CNTN5: variants seen among roughly 807,000 people sequenced by gnomAD.
The protein encoded by CNTN5 is contactin-5.
Under a neutral mutation model 129.1 loss-of-function variants are expected in CNTN5, and 77 were observed. The observed-to-expected ratio is 0.60, with a 90% CI of 0.50 to 0.72. The LOEUF (loss-of-function observed/expected upper bound fraction) is 0.72, where lower values mean the gene tolerates loss of function less well. CNTN5 is among the 30% of genes least tolerant of loss of function. The pLI is 0.00. For synonymous variants in CNTN5, 509 were observed against 465.6 expected, an observed-to-expected ratio of 1.09 and a Z score of -1.20; for missense variants, 1,478 against 1,328.8, an observed-to-expected ratio of 1.11 and a Z score of -1.75.
At chr11:99,916,835 G>A (rs1591415807) in intron 7 of CNTN5, among the ~76,000 whole-genome samples, 2 of 152,106 alleles carry the variant, frequency 1.3e-5, no homozygotes, top group African/African-American at 4.8e-5. Context: ...TAAGTTAAGA[G>A]TGACCAGCAT....
intron 1 of CNTN5, among the ~76,000 whole-genome samples, chr11:99,105,508 T>C (rs1400249649): frequency 6.6e-6 from 1 of 152,148 alleles, no homozygotes; most frequent in Non-Finnish European, 1.5e-5. Flanking sequence ...AGCATCATAT[T>C]CCTACAACAT....
intron 7 of CNTN5, among the ~76,000 whole-genome samples, chr11:99,940,221 C>G (rs1250711559): frequency 1.3e-5 from 2 of 152,080 alleles, no homozygotes; most frequent in Non-Finnish European, 2.9e-5. Context: ...ATTGAGAAAA[C>G]TTGATCTAGA....
At chr11:100,049,405 C>T (rs1223876323) in intron 9 of CNTN5, among the ~76,000 whole-genome samples, 1 of 151,316 alleles carries the variant, frequency 6.6e-6, no homozygotes, top group Non-Finnish European at 1.5e-5. Context: ...TAGTATAAGA[C>T]TAAAATGAAA....
intron 13 of CNTN5, among the ~76,000 whole-genome samples, chr11:100,121,321 A>G (rs1946014703): frequency 1.3e-5 from 2 of 152,116 alleles, no homozygotes; most frequent in African/African-American, 2.4e-5. Context: ...TTTTGTGACA[A>G]AAGTCTGCCT....
intron 9 of CNTN5, among the ~76,000 whole-genome samples, chr11:100,035,843 G>C (rs1941964986): frequency 6.6e-6 from 1 of 152,094 alleles, no homozygotes; most frequent in South Asian, 2.1e-4. Context: ...ATTTGTTTGA[G>C]TTCATTGTAG....
chr11:99,197,277 T>A (rs762499554), intron 1 of CNTN5, among the ~76,000 whole-genome samples: 7 of 151,972 alleles, frequency 4.6e-5, no homozygotes, highest in African/African-American at 1.7e-4. Flanking sequence ...AACTTAAGAG[T>A]ACATAATAAT....
intron 7 of CNTN5, among the ~76,000 whole-genome samples, chr11:99,939,866 A>G (rs908669192): frequency 6.6e-6 from 1 of 152,136 alleles, no homozygotes; most frequent in African/African-American, 2.4e-5. Context: ...TGAAGGAGGT[A>G]TTGTGTTCTG....
At chr11:99,111,663 T>C (rs1038882590) in intron 1 of CNTN5, among the ~76,000 whole-genome samples, 2 of 151,786 alleles carry the variant, frequency 1.3e-5, no homozygotes, top group Admixed American at 6.6e-5. Flanking sequence ...TAATTATATA[T>C]ATATTTAATA....
At chr11:100,077,413 G>T (rs1383343029) in intron 13 of CNTN5, among the ~76,000 whole-genome samples, 1 of 152,084 alleles carries the variant, frequency 6.6e-6, no homozygotes, top group African/African-American at 2.4e-5. Flanking sequence ...TAAAAATTTT[G>T]TTGTTTTGGG....
chr11:100,296,340 GCAT>G (rs1241848287), intron 18 of CNTN5, among the ~76,000 whole-genome samples: 1 of 151,408 alleles, frequency 6.6e-6, no homozygotes, highest in Admixed American at 6.6e-5. Flanking sequence ...TGCTCTAATT[GCAT>G]CATTTTTCTC....
intron 13 of CNTN5, among the ~76,000 whole-genome samples, chr11:100,157,616 G>A (rs1333012019): frequency 6.6e-6 from 1 of 151,708 alleles, no homozygotes; most frequent in African/African-American, 2.4e-5. Context: ...ATATGAAAGT[G>A]CGAAAGTTGA....
intron 1 of CNTN5, among the ~76,000 whole-genome samples, chr11:99,184,185 A>G (rs1858225505): frequency 6.6e-6 from 1 of 152,112 alleles, no homozygotes; most frequent in Non-Finnish European, 1.5e-5. Context: ...GAAAAATTCA[A>G]GATAAAATTT....
At chr11:100,335,169 A>C (rs1036897394) in intron 21 of CNTN5, among the ~76,000 whole-genome samples, 8 of 151,868 alleles carry the variant, frequency 5.3e-5, no homozygotes, top group African/African-American at 9.7e-5. Flanking sequence ...GCTCCAAAAA[A>C]AATTTTAACA....
Position 99,199,168 on chromosome 11 carries a change from T to C in CNTN5, c.-209-126178T>C, listed in dbSNP as rs151311889. 1.5e-3 allele frequency among the ~76,000 whole-genome samples: 225 copies of C among 152,188 alleles called. 1 individual carries two copies. Among genetic ancestry groups the C allele is most frequent in the African/African-American group, 5.2e-3 (214 of 41,528 alleles). On this transcript the variant is annotated intron_variant, in intron 1 of 24. Transcript: ENST00000524871. ...AGGTCTAGAAAGTCAGCTTTGGAGA[T>C]TGGGCAGAAAAGATTACATCAAAGT...
intron 10 of CNTN5, among the ~76,000 whole-genome samples, chr11:100,067,893 TCA>T (rs1943757803): frequency 2.0e-5 from 3 of 152,086 alleles, no homozygotes; most frequent in Admixed American, 2.0e-4. Flanking sequence ...ATGTCATTAA[TCA>T]TATGTTTGAT....
At chr11:99,318,283 A>G (rs1865429199) in intron 1 of CNTN5, among the ~76,000 whole-genome samples, 1 of 152,200 alleles carries the variant, frequency 6.6e-6, no homozygotes, top group African/African-American at 2.4e-5. Flanking sequence ...TATAATCTGA[A>G]GTCCAGAGAA....
chr11:99,504,154 T>A (rs1946527405), intron 2 of CNTN5, among the ~76,000 whole-genome samples: 1 of 152,182 alleles, frequency 6.6e-6, no homozygotes, highest in Admixed American at 6.5e-5. Context: ...TGACTTTTTT[T>A]AGAAAAGGTA....
chr11:99,941,174 T>A (rs1404389855), intron 7 of CNTN5, among the ~76,000 whole-genome samples: 1 of 152,048 alleles, frequency 6.6e-6, no homozygotes, highest in Non-Finnish European at 1.5e-5. Context: ...ACCTATACAA[T>A]TTAGCTAGAA....
At chr11:100,137,821 G>A (rs1403437900) in intron 13 of CNTN5, among the ~76,000 whole-genome samples, 1 of 152,116 alleles carries the variant, frequency 6.6e-6, no homozygotes, top group Non-Finnish European at 1.5e-5. Context: ...GATGATGTGG[G>A]AGCAAAGAGA....
Sources: allele counts gnomAD v4.1 joint callset (sites outside exome capture counted in the v4.1 genomes callset), GRCh38; gene constraint gnomAD v4.1.1; transcripts MANE v1.5; gene names NCBI Gene and HGNC (gene_info 2026-07-23, HGNC 2026-07-21).